POR: variants seen among roughly 807,000 people sequenced by gnomAD.
POR encodes cytochrome p450 oxidoreductase, also known as NADPH--cytochrome P450 reductase.
In POR, 56 loss-of-function variants were observed where a neutral mutation model predicts 84.0. The observed-to-expected ratio is 0.67, with a 90% CI of 0.54 to 0.83. POR has a LOEUF of 0.83. Among genes scored for constraint, POR ranks in the 40% least tolerant of loss-of-function variants. The pLI, the probability that POR is intolerant of heterozygous loss-of-function variation, is 0.00. For missense variants in POR, 938 were observed against 944.3 expected (o/e 0.99, Z 0.09); for synonymous variants, 414 against 400.5 (o/e 1.03, Z -0.40).
intron 2 of POR, among the ~76,000 whole-genome samples, chr7:75,959,851 T>C (rs553437072): frequency 6.6e-6 from 1 of 152,198 alleles, no homozygotes; most frequent in Non-Finnish European, 1.5e-5. Context: ...CCTACAATAT[T>C]GAGCTTTCTA....
chr7:75,926,032 T>C (rs1034571227), intron 1 of POR, among the ~76,000 whole-genome samples: 25 of 137,024 alleles, frequency 1.8e-4, no homozygotes, highest in South Asian at 1.2e-3. Flanking sequence ...TTCTCTCTCT[T>C]TTTTTTTTTT....
Position 75,968,099 on chromosome 7 carries a change from G to C in POR, c.189-4314G>C, listed in dbSNP as rs11979171. The C allele has an allele frequency of 2.5e-4, 114 of 455,460 alleles. No homozygotes were observed. In the East Asian group the frequency reaches 3.5e-3, roughly 14 times the overall value. The allele number at this position is 455,460 out of a possible 1,614,324, so 28.2% of individuals were successfully genotyped here. On this transcript the variant is annotated intron_variant, in intron 2 of 15. Coordinates refer to ENST00000461988, the MANE Select transcript of POR (RefSeq NM_000941.3). ...GAGAAGCCATGGGGTGCACGTACTC[G>C]TCTCCACCTGAGGAGCCCGCTCTGA...
chr7:75,943,984 C>T, intron 1 of POR: 1 of 415,366 alleles, frequency 2.4e-6, no homozygotes, highest in Admixed American at 2.9e-5. Flanking sequence ...AACCTCGACT[C>T]TTCAAGGAAG....
chr7:75,960,645 G>A (rs1246291329), intron 2 of POR, among the ~76,000 whole-genome samples: 1 of 152,106 alleles, frequency 6.6e-6, no homozygotes, highest in Non-Finnish European at 1.5e-5. Context: ...TCTCTCTCCT[G>A]TGGGCCTGGC....
chr7:75,971,154 G>T (rs1788422609), intron 2 of POR: 1 of 151,586 alleles, frequency 6.6e-6, no homozygotes, highest in South Asian at 2.1e-4. Context: ...TAGAGACGGG[G>T]TTTTGCCATG....
rs572447390 is a variant in POR, at chr7:75,981,436, G to T, written c.642-81G>T. On this transcript the variant is annotated intron_variant, in intron 6 of 15. Coordinates refer to ENST00000461988, the MANE Select transcript of POR (RefSeq NM_000941.3). ...GTCCTGAGCTTTGGGGATGGGGTGG[G>T]GTCGGGGCGTGCCTGGCACCAGGTA... 9.0e-5 allele frequency: 124 copies of T among 1,373,162 alleles called. 4 individuals carry two copies. The highest frequency in any genetic ancestry group is 4.8e-4 in the South Asian group (39 of 80,642). The allele number at this position is 1,373,162 out of a possible 1,614,324, so 85.1% of individuals were successfully genotyped here. A position where few individuals can be genotyped will look rare whatever the true frequency, so the allele number is the denominator to read the frequency against.
intron 3 of POR, 130 bp from the exon 4 acceptor site, chr7:75,979,321 G>A: frequency 1.8e-6 from 2 of 1,100,508 alleles, no homozygotes; most frequent in South Asian, 1.5e-5. Flanking sequence ...GAACTTAGAA[G>A]GGACTCAAAG....
chr7:75,947,279 A>AATTGATTG (rs138227382), intron 1 of POR: 1 of 151,804 alleles, frequency 6.6e-6, no homozygotes, highest in African/African-American at 2.4e-5. Flanking sequence ...TTTATTTGTT[A>AATTGATTG]ATTGATTGAT....
intron 1 of POR, among the ~76,000 whole-genome samples, chr7:75,930,303 A>T (rs1554550009): frequency 6.6e-6 from 1 of 152,026 alleles, no homozygotes; most frequent in Non-Finnish European, 1.5e-5. Context: ...ACCAAGGGGT[A>T]CTAACCCTTG....
chr7:75,917,380 C>CTT lies in POR; in HGVS notation c.-5+2202_-5+2203dup, dbSNP rs199962786. ...ACCGTTCCTGGCTTTCTTATTTCTT[C>CTT]TTCTTTTTTTTTTTTTTTTTTCTGA... On this transcript the variant is annotated intron_variant, in intron 1 of 15. Coordinates refer to ENST00000461988, the MANE Select transcript of POR (RefSeq NM_000941.3). Among the ~76,000 whole-genome samples, 111 of 125,936 alleles carry CTT rather than the reference C, an allele frequency of 8.8e-4. 5 individuals carry two copies. The highest frequency in any genetic ancestry group is 4.1e-3 in the African/African-American group (103 of 25,034). 82.6% of individuals were successfully genotyped at this position (125,936 alleles called of 152,430 possible). A position where few individuals can be genotyped will look rare whatever the true frequency, so the allele number is the denominator to read the frequency against.
chr7:75,925,584 G>A (rs1428609827), intron 1 of POR, among the ~76,000 whole-genome samples: 4 of 152,158 alleles, frequency 2.6e-5, no homozygotes. Context: ...ATTGAATAAA[G>A]CAGTGGTCAG....
intron 1 of POR, among the ~76,000 whole-genome samples, chr7:75,953,436 A>T (rs898806646): frequency 6.6e-6 from 1 of 152,052 alleles, no homozygotes; most frequent in Non-Finnish European, 1.5e-5. Context: ...AACTACCTTC[A>T]TAGCCCAAGG....
chr7:75,968,972 GTC>G (rs1407258995), intron 2 of POR, among the ~76,000 whole-genome samples: 1 of 152,234 alleles, frequency 6.6e-6, no homozygotes, highest in Non-Finnish European at 1.5e-5. Context: ...CCGTGGGGCT[GTC>G]TCTCCAGGGG....
intron 1 of POR, among the ~76,000 whole-genome samples, chr7:75,932,452 G>T (rs1290023836): frequency 6.6e-6 from 1 of 152,152 alleles, no homozygotes; most frequent in African/African-American, 2.4e-5. Flanking sequence ...AAAGTGCTGG[G>T]ACTACAGGCA....
rs144848509 is a variant in POR, at chr7:75,924,103, C to T, written c.-5+8924C>T. Among the ~76,000 whole-genome samples, 125 of 152,132 alleles carry T rather than the reference C, an allele frequency of 8.2e-4. No individual in the cohort carries two copies. The East Asian group carries it at 0.024, about 29-fold the overall frequency. On this transcript the variant is annotated intron_variant, in intron 1 of 15. Transcript: ENST00000461988. ...GAGTAACTCTAGCATTTGTACAAGG[C>T]TCCCTAAGAGTCCTGCAGCAGTCGA... is the stretch of plus-strand genomic sequence containing the variant.
chr7:75,960,740 G>C (rs1554554397), intron 2 of POR, among the ~76,000 whole-genome samples: 4 of 152,152 alleles, frequency 2.6e-5, no homozygotes, highest in African/African-American at 9.7e-5. Flanking sequence ...ATGGTGCAGA[G>C]AGCGTCCCAT....
intron 3 of POR, 139 bp downstream of exon 3, chr7:75,972,600 G>C: frequency 1.2e-6 from 1 of 805,062 alleles, no homozygotes; most frequent in South Asian, 1.5e-5. Flanking sequence ...CGGCTCGCTT[G>C]GGAGTCATTC....
At chr7:75,960,559 C>T (rs770591823) in intron 2 of POR, among the ~76,000 whole-genome samples, 1 of 152,074 alleles carries the variant, frequency 6.6e-6, no homozygotes, top group Non-Finnish European at 1.5e-5. Context: ...AGTCTCCCTG[C>T]CTCAGCCTTG....
chr7:75,923,754 G>A (rs1806982618), intron 1 of POR, among the ~76,000 whole-genome samples: 2 of 152,210 alleles, frequency 1.3e-5, no homozygotes, highest in South Asian at 4.2e-4. Flanking sequence ...TGAGCGTGGT[G>A]GCACACGCCT....
Sources: gnomAD v4.1 joint callset for allele counts (sites outside exome capture counted in the v4.1 genomes callset) on GRCh38, gnomAD v4.1.1 for gene constraint, MANE v1.5 for transcripts, NCBI Gene and HGNC (gene_info 2026-07-23, HGNC 2026-07-21) for gene names.